Variants in DCC observed in about 807,000 individuals in gnomAD.
DCC encodes DCC netrin 1 receptor.
In DCC, 58 loss-of-function variants were observed where a neutral mutation model predicts 172.5. The ratio of observed to expected loss-of-function variants is 0.34; its 90% CI spans 0.27 to 0.42. DCC has a LOEUF of 0.42. Among genes scored for constraint, DCC ranks in the 10% least tolerant of loss-of-function variants. The pLI, the probability that DCC is intolerant of heterozygous loss-of-function variation, is 1.00. For missense variants in DCC, 1,740 were observed against 1,791.0 expected (o/e 0.97, Z 0.51); for synonymous variants, 709 against 644.5 (o/e 1.10, Z -1.52).
At chr18:52,547,973 A>G (rs550274612) in intron 1 of DCC, among the ~76,000 whole-genome samples, 110 of 152,272 alleles carry the variant, frequency 7.2e-4, no homozygotes, top group East Asian at 7.7e-4. Flanking sequence ...ATTACAAAAC[A>G]GGCAGTAGGC....
chr18:52,387,512 C>T (rs1334716176), intron 1 of DCC, among the ~76,000 whole-genome samples: 1 of 152,086 alleles, frequency 6.6e-6, no homozygotes, highest in Non-Finnish European at 1.5e-5. Flanking sequence ...AGCAGAGACA[C>T]CAGCTTCCTT....
intron 1 of DCC, among the ~76,000 whole-genome samples, chr18:52,497,071 T>C (rs1017139584): frequency 6.6e-6 from 1 of 150,968 alleles, no homozygotes; most frequent in Non-Finnish European, 1.5e-5. Context: ...CTGGACAACA[T>C]GACAAGACTT....
intron 17 of DCC, among the ~76,000 whole-genome samples, chr18:53,392,472 C>T (rs1229372115): frequency 1.3e-5 from 2 of 152,124 alleles, no homozygotes; most frequent in Non-Finnish European, 2.9e-5. Context: ...TGTTCTTGTC[C>T]TTATCACAGA....
chr18:52,629,746 C>T (rs1279523159), intron 1 of DCC, among the ~76,000 whole-genome samples: 5 of 151,822 alleles, frequency 3.3e-5, no homozygotes, highest in East Asian at 1.9e-4. Flanking sequence ...GTCAGGCGAT[C>T]GAGACCATCC....
chr18:53,520,472 G>A (rs181795789), intron 27 of DCC, among the ~76,000 whole-genome samples: 10 of 152,046 alleles, frequency 6.6e-5, no homozygotes, highest in African/African-American at 2.4e-4. Flanking sequence ...TCAGGTCTCA[G>A]GCACAAGGCA....
At chr18:53,478,437 C>T (rs1462036881) in intron 25 of DCC, among the ~76,000 whole-genome samples, 2 of 152,006 alleles carry the variant, frequency 1.3e-5, no homozygotes, top group African/African-American at 4.8e-5. Flanking sequence ...GGAATAGGAA[C>T]TAGGAAGGAT....
intron 22 of DCC, among the ~76,000 whole-genome samples, chr18:53,441,733 A>G (rs1912289548): frequency 6.6e-6 from 1 of 152,164 alleles, no homozygotes; most frequent in Non-Finnish European, 1.5e-5. Flanking sequence ...GGAGAACTTC[A>G]ATAACCTCTT....
At chr18:52,372,364 G>C (rs1985158001) in intron 1 of DCC, among the ~76,000 whole-genome samples, 1 of 152,156 alleles carries the variant, frequency 6.6e-6, no homozygotes, top group Non-Finnish European at 1.5e-5. Context: ...CTCTGTTTGA[G>C]AGTCCATGCA....
At chr18:53,335,113 T>G (rs2057577165) in intron 14 of DCC, among the ~76,000 whole-genome samples, 1 of 152,210 alleles carries the variant, frequency 6.6e-6, no homozygotes, top group Non-Finnish European at 1.5e-5. Flanking sequence ...CCAGATGTGA[T>G]GATCCTCTTT....
At chr18:52,755,253 T>A (rs976427652) in intron 2 of DCC, among the ~76,000 whole-genome samples, 1 of 152,220 alleles carries the variant, frequency 6.6e-6, no homozygotes, top group Admixed American at 6.5e-5. Flanking sequence ...TGCCTTATTA[T>A]GAAAGGCAGC....
chr18:52,600,283 C>T (rs1231296683), intron 1 of DCC, among the ~76,000 whole-genome samples: 2 of 152,114 alleles, frequency 1.3e-5, no homozygotes, highest in Admixed American at 6.6e-5. Context: ...CTCACAATTC[C>T]AAAATCATGC....
intron 14 of DCC, among the ~76,000 whole-genome samples, chr18:53,332,262 CA>C (rs201019902): frequency 4.0e-5 from 6 of 151,312 alleles, no homozygotes; most frequent in East Asian, 1.9e-4. Context: ...TCTATCTAGG[CA>C]AAAAAAGTAG....
chr18:52,437,104 A>C (rs2144486326), intron 1 of DCC, among the ~76,000 whole-genome samples: 1 of 152,320 alleles, frequency 6.6e-6, no homozygotes, highest in Non-Finnish European at 1.5e-5. Context: ...ACTACTGTAT[A>C]GGTATTCACA....
chr18:53,116,267 A>G lies in DCC; in HGVS notation c.1262-41089A>G, dbSNP rs368432871. On this transcript the variant is annotated intron_variant, in intron 7 of 28. Transcript: ENST00000442544. Reference sequence around the variant, plus strand: ...CCACAGTGTGGGAGCTAGCCCGAGCATAGGAGCTCAAAAAGCTCCGTTACA... The same window carrying G: ...CCACAGTGTGGGAGCTAGCCCGAGCGTAGGAGCTCAAAAAGCTCCGTTACA... 7.9e-5 allele frequency among the ~76,000 whole-genome samples: 12 copies of G among 151,890 alleles called. No individual in the cohort carries two copies. The East Asian group carries it at 2.0e-3, about 25-fold the overall frequency.
chr18:53,285,392 C>T (rs1258783394), intron 12 of DCC, among the ~76,000 whole-genome samples: 2 of 152,204 alleles, frequency 1.3e-5, no homozygotes, highest in Non-Finnish European at 2.9e-5. Context: ...AGGTACAGCT[C>T]TAGCTGTTGC....
At chr18:53,253,322 T>G (rs1260462387) in intron 12 of DCC, among the ~76,000 whole-genome samples, 1 of 152,094 alleles carries the variant, frequency 6.6e-6, no homozygotes, top group East Asian at 1.9e-4. Flanking sequence ...TTCATAAGTA[T>G]TATTTTACTT....
chr18:52,883,377 TGTGTGTGTGTGTGTGA>T lies in DCC; in HGVS notation c.413-22665_413-22650del, dbSNP rs1175790895. ...GTGTGTGTGTGTGTGTGTGTGTGTG[TGTGTGTGTGTGTGTGA>T]GATCTCTTTCTGTCTTCCTTTTAGT... On this transcript the variant is annotated intron_variant, in intron 2 of 28. Transcript: ENST00000442544. Among the ~76,000 whole-genome samples, 297 of 124,966 alleles carry T rather than the reference TGTGTGTGTGTGTGTGA, an allele frequency of 2.4e-3. 1 individual carries two copies. Among genetic ancestry groups the T allele is most frequent in the Middle Eastern group, 7.5e-3 (2 of 266 alleles). The allele number at this position is 124,966 out of a possible 152,430, so 82.0% of individuals were successfully genotyped here. A position where few individuals can be genotyped will look rare whatever the true frequency, so the allele number is the denominator to read the frequency against.
At chr18:52,905,244 T>C (rs778626084) in intron 2 of DCC, among the ~76,000 whole-genome samples, 2 of 152,316 alleles carry the variant, frequency 1.3e-5, no homozygotes, top group Admixed American at 6.5e-5. Context: ...TATTTTTTCC[T>C]TATATTGGTC....
intron 1 of DCC, among the ~76,000 whole-genome samples, chr18:52,437,922 C>T (rs1326945345): frequency 6.6e-6 from 1 of 152,196 alleles, no homozygotes; most frequent in Admixed American, 6.5e-5. Context: ...TCGATTTTCA[C>T]CTGGTGAGTT....
Sources: allele counts gnomAD v4.1 joint callset (sites outside exome capture counted in the v4.1 genomes callset), GRCh38; gene constraint gnomAD v4.1.1; transcripts MANE v1.5; gene names NCBI Gene and HGNC (gene_info 2026-07-23, HGNC 2026-07-21).